SPOCK1: variants seen among roughly 807,000 people sequenced by gnomAD.
SPOCK1 encodes the protein testican-1.
A neutral mutation model predicts 55.3 loss-of-function variants in SPOCK1; 23 were observed. That is an observed-to-expected ratio of 0.42 (90% CI 0.30 to 0.59). The LOEUF (loss-of-function observed/expected upper bound fraction) is 0.59. Among genes scored for constraint, SPOCK1 ranks in the 20% least tolerant of loss-of-function variants. The pLI is 0.22. For missense variants in SPOCK1, 499 were observed against 552.5 expected (o/e 0.90, Z 0.97); for synonymous variants, 226 against 221.0 (o/e 1.02, Z -0.20).
At chr5:137,353,977 TTAA>T (rs1182700944) in intron 2 of SPOCK1, among the ~76,000 whole-genome samples, 1 of 152,142 alleles carries the variant, frequency 6.6e-6, no homozygotes, top group Non-Finnish European at 1.5e-5. Flanking sequence ...CATCACCAGC[TTAA>T]TTTCCTGATG....
intron 5 of SPOCK1, among the ~76,000 whole-genome samples, chr5:137,081,653 C>G (rs746031571): frequency 6.6e-5 from 10 of 152,142 alleles, no homozygotes; most frequent in Non-Finnish European, 1.3e-4. Flanking sequence ...ATAAAGGTGA[C>G]CAAAAATGCC....
At chr5:137,497,008 A>T (rs1222915400) in intron 2 of SPOCK1, among the ~76,000 whole-genome samples, 1 of 152,222 alleles carries the variant, frequency 6.6e-6, no homozygotes, top group Non-Finnish European at 1.5e-5. Flanking sequence ...GAGGAGAGTG[A>T]TAAACCCCCA....
chr5:137,267,061 T>A lies in SPOCK1; in HGVS notation c.187-6A>T, dbSNP rs750241587. The A allele has an allele frequency of 4.3e-6, 7 of 1,611,434 alleles. No individual in the cohort carries two copies. The highest frequency in any genetic ancestry group is 5.9e-6 in the Non-Finnish European group (7 of 1,178,008). On this transcript the variant is annotated splice_polypyrimidine_tract_variant and splice_region_variant and intron_variant, in intron 2 of 10. Coordinates refer to ENST00000394945, the MANE Select transcript of SPOCK1 (RefSeq NM_004598.4). Reference sequence around the variant, plus strand: ...CAGTTTCTGAAATAATCATCCTATATAAGGAAAAAATAGAAAACAAAGGTC... The same window carrying A: ...CAGTTTCTGAAATAATCATCCTATAAAAGGAAAAAATAGAAAACAAAGGTC...
At chr5:137,244,412 CACATA>C (rs1756355955) in intron 3 of SPOCK1, among the ~76,000 whole-genome samples, 1 of 151,292 alleles carries the variant, frequency 6.6e-6, no homozygotes, top group Admixed American at 6.6e-5. Flanking sequence ...AGGAAGAAAA[CACATA>C]ACAGAATTTG....
At chr5:137,245,771 CA>C (rs1174492394) in intron 3 of SPOCK1, among the ~76,000 whole-genome samples, 16 of 47,306 alleles carry the variant, frequency 3.4e-4, no homozygotes, top group African/African-American at 1.8e-3. Context: ...CAAAACAAAA[CA>C]AAACAAAAAA....
rs780622221 is a variant in SPOCK1 at position 137,407,285 on chromosome 5, C to T, written c.186+91088G>A. Among the ~76,000 whole-genome samples the T allele has an allele frequency of 3.3e-5, 5 of 152,162 alleles. No individual in the cohort carries two copies. In the East Asian group the frequency reaches 7.7e-4, roughly 23 times the overall value. ...TTTTTTCTCTAGGGAAATGTGACAA[C>T]GCTGTGCTCTTTAAGCTGCACTTCA... On this transcript the variant is annotated intron_variant, in intron 2 of 10. Transcript: ENST00000394945.
chr5:136,992,551 C>G lies in SPOCK1; in HGVS notation c.639G>C (p.Trp213Cys), dbSNP rs751766861. The change falls in exon 7 of 11, where the codon TGG becomes TGC. Residue 213 changes from tryptophan to cysteine, a missense_variant. By Grantham distance (215) the Trp-to-Cys change is radical. Transcript: ENST00000394945. ...LRNLASRLKD[W>C]FGALHEDANR... is the part of the protein sequence containing the mutation. Reference sequence around the variant, plus strand: ...TCGCATCCTCGTGGAGAGCTCCAAACCAATCCTTCAGCCGGGAGGCAAGGT... The same window carrying G: ...TCGCATCCTCGTGGAGAGCTCCAAAGCAATCCTTCAGCCGGGAGGCAAGGT... 3.1e-6 allele frequency: 5 copies of G among 1,613,906 alleles called. No individual in the cohort carries two copies. Among genetic ancestry groups the G allele is most frequent in the Non-Finnish European group, 4.2e-6 (5 of 1,179,904 alleles).
intron 5 of SPOCK1, among the ~76,000 whole-genome samples, chr5:137,090,707 C>A (rs1021780474): frequency 1.3e-5 from 2 of 152,196 alleles, no homozygotes; most frequent in Non-Finnish European, 2.9e-5. Flanking sequence ...AAATATCCCA[C>A]AATCCCAAGC....
intron 2 of SPOCK1, among the ~76,000 whole-genome samples, chr5:137,395,071 C>G (rs1012201429): frequency 6.6e-6 from 1 of 152,288 alleles, no homozygotes; most frequent in African/African-American, 2.4e-5. Context: ...TCATTTCTAC[C>G]CTGGGGTCTT....
intron 2 of SPOCK1, among the ~76,000 whole-genome samples, chr5:137,470,464 A>G (rs867999237): frequency 1.3e-5 from 2 of 152,240 alleles, no homozygotes; most frequent in Middle Eastern, 6.8e-3. Context: ...TGATAGTATT[A>G]ATAAGAAGTC....
chr5:137,270,931 A>C (rs1205130715), intron 2 of SPOCK1, among the ~76,000 whole-genome samples: 2 of 152,124 alleles, frequency 1.3e-5, no homozygotes, highest in Non-Finnish European at 2.9e-5. Flanking sequence ...GAACCCGGGA[A>C]GCAGAGGCTG....
intron 3 of SPOCK1, among the ~76,000 whole-genome samples, chr5:137,150,849 C>T (rs999096178): frequency 6.6e-6 from 1 of 151,832 alleles, no homozygotes; most frequent in Non-Finnish European, 1.5e-5. Flanking sequence ...CTCAGAGCCT[C>T]AGATGAAGAG....
intron 6 of SPOCK1, among the ~76,000 whole-genome samples, chr5:137,060,617 A>G (rs1752378901): frequency 7.1e-6 from 1 of 140,892 alleles, no homozygotes; most frequent in Admixed American, 7.3e-5. Flanking sequence ...AAAAGAATGT[A>G]TGTTAATTTT....
At chr5:137,462,419 A>C (rs1753508194) in intron 2 of SPOCK1, among the ~76,000 whole-genome samples, 1 of 152,162 alleles carries the variant, frequency 6.6e-6, no homozygotes, top group Non-Finnish European at 1.5e-5. Flanking sequence ...GAGGTGAGAA[A>C]GGTTTCCAAG....
intron 6 of SPOCK1, among the ~76,000 whole-genome samples, chr5:137,018,100 C>G (rs1296269304): frequency 6.6e-6 from 1 of 152,192 alleles, no homozygotes; most frequent in Non-Finnish European, 1.5e-5. Context: ...ACACTTTTGT[C>G]CTTCATAACT....
intron 4 of SPOCK1, among the ~76,000 whole-genome samples, chr5:137,119,912 CT>C (rs1342869013): frequency 1.2e-4 from 19 of 152,204 alleles, no homozygotes; most frequent in Non-Finnish European, 1.3e-4. Flanking sequence ...TTTATTTGAT[CT>C]GTCCATCTCC....
At chr5:137,167,774 G>A (rs1351916452) in intron 3 of SPOCK1, among the ~76,000 whole-genome samples, 1 of 151,768 alleles carries the variant, frequency 6.6e-6, no homozygotes, top group African/African-American at 2.4e-5. Context: ...AACAAATAAG[G>A]GAAATGCAAC....
chr5:137,480,478 A>G (rs989554840), intron 2 of SPOCK1, among the ~76,000 whole-genome samples: 6 of 152,124 alleles, frequency 3.9e-5, no homozygotes, highest in African/African-American at 1.4e-4. Context: ...TTGGACATAG[A>G]GTTGTTTTGC....
intron 6 of SPOCK1, among the ~76,000 whole-genome samples, chr5:137,015,901 G>A (rs1451034969): frequency 6.6e-6 from 1 of 152,174 alleles, no homozygotes; most frequent in Non-Finnish European, 1.5e-5. Context: ...ACGTGACAAT[G>A]AGCCCAGTGA....
Sources: allele counts gnomAD v4.1 joint callset (sites outside exome capture counted in the v4.1 genomes callset), GRCh38; gene constraint gnomAD v4.1.1; transcripts MANE v1.5; gene names NCBI Gene and HGNC (gene_info 2026-07-23, HGNC 2026-07-21).